Variants in PPFIA2 observed in about 807,000 individuals in gnomAD.
PPFIA2 encodes the protein PPFI scaffold protein A2.
PPFIA2 carries 46 observed loss-of-function variants against 175.5 expected under a neutral mutation model. The ratio of observed to expected loss-of-function variants is 0.26; its 90% CI spans 0.21 to 0.34. The LOEUF is 0.34. PPFIA2 is among the 10% of genes least tolerant of loss of function. The pLI is 1.00. For synonymous variants in PPFIA2, 568 were observed against 511.4 expected, an observed-to-expected ratio of 1.11 and a Z score of -1.49; for missense variants, 1,179 against 1,506.1, an observed-to-expected ratio of 0.78 and a Z score of 3.60.
intron 4 of PPFIA2, chr12:81,535,653 A>ACG: frequency 3.3e-6 from 1 of 304,276 alleles, no homozygotes; most frequent in Non-Finnish European, 6.5e-6. Flanking sequence ...ACACACACAC[A>ACG]CACAAAACTA....
chr12:81,525,921 AT>A (rs2063680401), intron 4 of PPFIA2, among the ~76,000 whole-genome samples: 1 of 152,182 alleles, frequency 6.6e-6, no homozygotes, highest in Non-Finnish European at 1.5e-5. Context: ...ACACAACAAA[AT>A]TCTTAGAAAT....
At chr12:81,416,777 C>T (rs1342136898) in intron 7 of PPFIA2, among the ~76,000 whole-genome samples, 1 of 151,626 alleles carries the variant, frequency 6.6e-6, no homozygotes, top group African/African-American at 2.4e-5. Context: ...TGACAACTGA[C>T]TGCAGTAATT....
intron 3 of PPFIA2, among the ~76,000 whole-genome samples, chr12:81,726,849 C>T (rs905954684): frequency 1.3e-5 from 2 of 151,384 alleles, no homozygotes; most frequent in East Asian, 2.0e-4. Flanking sequence ...AGAAGTACTG[C>T]TGTGATGCAA....
chr12:81,269,238 GAA>G (rs1245902580), intron 28 of PPFIA2, among the ~76,000 whole-genome samples: 2 of 151,334 alleles, frequency 1.3e-5, no homozygotes, highest in Non-Finnish European at 3.0e-5. Flanking sequence ...CCATAGAAAA[GAA>G]AGAATTTTAA....
chr12:81,359,482 A>C (rs1213906349), intron 15 of PPFIA2, among the ~76,000 whole-genome samples: 2 of 151,768 alleles, frequency 1.3e-5, no homozygotes, highest in Non-Finnish European at 2.9e-5. Context: ...TTCATAAAGG[A>C]CACAACTCTG....
intron 16 of PPFIA2, 45 bp from the exon 17 acceptor site, chr12:81,353,384 A>G: frequency 7.2e-7 from 1 of 1,385,938 alleles, no homozygotes; most frequent in South Asian, 1.2e-5. Context: ...CATATTGCTC[A>G]TTTTCAAAGC....
rs114937711 is a variant in PPFIA2 at position 81,640,163 on chromosome 12, T to C, written c.303+36628A>G. Among the ~76,000 whole-genome samples the C allele has an allele frequency of 4.5e-3, 679 of 152,292 alleles. 4 individuals are homozygous for C. The highest frequency in any genetic ancestry group is 0.015 in the African/African-American group (634 of 41,572). ...TGTCTGTGTAACATTTGAAGGACTA[T>C]CATAAAATTTTGGAGTGATTTATAT... On this transcript the variant is annotated intron_variant, in intron 4 of 32. Coordinates refer to ENST00000549396, the MANE Select transcript of PPFIA2 (RefSeq NM_003625.5).
intron 17 of PPFIA2, among the ~76,000 whole-genome samples, chr12:81,350,222 T>C (rs1164618091): frequency 1.3e-5 from 2 of 152,174 alleles, no homozygotes; most frequent in African/African-American, 4.8e-5. Context: ...GACCATTAGC[T>C]GAACAGCCTC....
chr12:81,324,949 A>G (rs1004217883), intron 22 of PPFIA2, among the ~76,000 whole-genome samples: 1 of 152,030 alleles, frequency 6.6e-6, no homozygotes, highest in Non-Finnish European at 1.5e-5. Flanking sequence ...TATGAAGTCA[A>G]TTGATTAGCC....
At chr12:81,410,085 G>T (rs2043653054) in intron 7 of PPFIA2, among the ~76,000 whole-genome samples, 1 of 152,108 alleles carries the variant, frequency 6.6e-6, no homozygotes, top group Non-Finnish European at 1.5e-5. Context: ...TCTGCCATGT[G>T]AGGACGCATT....
chr12:81,401,547 T>C (rs1274153194), intron 8 of PPFIA2, among the ~76,000 whole-genome samples: 2 of 152,194 alleles, frequency 1.3e-5, no homozygotes, highest in African/African-American at 4.8e-5. Context: ...ATATTTATCA[T>C]GTTTTATGAT....
intron 22 of PPFIA2, among the ~76,000 whole-genome samples, chr12:81,306,311 T>C (rs2049133080): frequency 6.6e-6 from 1 of 152,152 alleles, no homozygotes; most frequent in African/African-American, 2.4e-5. Flanking sequence ...CTTGATTCCT[T>C]TGCCTGTCCT....
chr12:81,299,184 T>C (rs1164202250), intron 23 of PPFIA2, 117 bp downstream of exon 23: 2 of 1,338,784 alleles, frequency 1.5e-6, no homozygotes, highest in Non-Finnish European at 2.0e-6. Context: ...TAGTCCCTTA[T>C]GAGCAATTCC....
At chr12:81,533,455 C>T (rs1013450983) in intron 4 of PPFIA2, among the ~76,000 whole-genome samples, 11 of 151,388 alleles carry the variant, frequency 7.3e-5, no homozygotes, top group Non-Finnish European at 5.9e-5. Flanking sequence ...AAATTTATGC[C>T]AAATTAAGTG....
chr12:81,719,225 T>A (rs1043227159), intron 3 of PPFIA2, among the ~76,000 whole-genome samples: 4 of 151,606 alleles, frequency 2.6e-5, no homozygotes, highest in Admixed American at 2.0e-4. Flanking sequence ...GGTTCAGCCC[T>A]CTGTTGTTGG....
chr12:81,710,053 T>C (rs2077691105), intron 3 of PPFIA2, among the ~76,000 whole-genome samples: 1 of 152,044 alleles, frequency 6.6e-6, no homozygotes, highest in Admixed American at 6.6e-5. Context: ...CCTTTGCCTA[T>C]TCTTCTACTG....
intron 7 of PPFIA2, among the ~76,000 whole-genome samples, chr12:81,426,394 C>T (rs1311384352): frequency 6.6e-6 from 1 of 152,078 alleles, no homozygotes; most frequent in Non-Finnish European, 1.5e-5. Flanking sequence ...TCAGTGAGTG[C>T]TGTGAGGCTT....
At chr12:81,396,745 T>C (rs1262522780) in intron 8 of PPFIA2, among the ~76,000 whole-genome samples, 1 of 152,084 alleles carries the variant, frequency 6.6e-6, no homozygotes, top group East Asian at 1.9e-4. Context: ...TTCATGCTGT[T>C]TTAAAAATAG....
At chr12:81,328,178 C>G (rs981959034) in intron 21 of PPFIA2, among the ~76,000 whole-genome samples, 1 of 152,094 alleles carries the variant, frequency 6.6e-6, no homozygotes, top group Non-Finnish European at 1.5e-5. Flanking sequence ...TAAGGGTGAC[C>G]TTAGCCAAAC....
Sources: allele counts gnomAD v4.1 joint callset (sites outside exome capture counted in the v4.1 genomes callset), GRCh38; gene constraint gnomAD v4.1.1; transcripts MANE v1.5; gene names NCBI Gene and HGNC (gene_info 2026-07-23, HGNC 2026-07-21).